The following CTNND2 variants were observed in gnomAD, a reference collection of about 807,000 sequenced individuals.
CTNND2 encodes the protein catenin delta-2.
CTNND2 carries 22 observed loss-of-function variants against 144.4 expected under a neutral mutation model. That is an observed-to-expected ratio of 0.15 (90% CI 0.11 to 0.22). The LOEUF is 0.22. Ranked by LOEUF, CTNND2 falls within the 10% of genes least tolerant of loss-of-function variation. CTNND2 has a pLI of 1.00. For synonymous variants in CTNND2, 751 were observed against 695.6 expected (o/e 1.08, Z -1.25); for missense variants, 1,353 against 1,618.8 (o/e 0.84, Z 2.82).
intron 9 of CTNND2, among the ~76,000 whole-genome samples, chr5:11,309,298 G>T (rs1350737742): frequency 6.6e-6 from 1 of 152,172 alleles, no homozygotes; most frequent in Non-Finnish European, 1.5e-5. Context: ...GCAGCTGAGG[G>T]GGCTGTACCC....
At chr5:11,665,639 TATA>T (rs1473257089) in intron 2 of CTNND2, among the ~76,000 whole-genome samples, 1 of 152,208 alleles carries the variant, frequency 6.6e-6, no homozygotes, top group East Asian at 1.9e-4. Context: ...GACAGATTTA[TATA>T]ATGTCTTATA....
chr5:11,771,918 T>G (rs1467285433), intron 1 of CTNND2, among the ~76,000 whole-genome samples: 1 of 152,194 alleles, frequency 6.6e-6, no homozygotes, highest in Non-Finnish European at 1.5e-5. Flanking sequence ...CTGTTGGATT[T>G]ATGAGCTCAG....
intron 12 of CTNND2, among the ~76,000 whole-genome samples, chr5:11,157,676 A>C (rs575346479): frequency 4.9e-4 from 75 of 152,376 alleles, no homozygotes; most frequent in Non-Finnish European, 8.4e-4. Flanking sequence ...TGAAGAATGT[A>C]AATACACTTG....
chr5:11,624,528 G>C (rs1037521505), intron 2 of CTNND2, among the ~76,000 whole-genome samples: 6 of 152,052 alleles, frequency 3.9e-5, no homozygotes, highest in Non-Finnish European at 8.8e-5. Context: ...TACTCTGTAG[G>C]TTGTATTTTA....
rs771383393 is a variant in CTNND2 at position 11,397,186 on chromosome 5, G to C, written c.457C>G (p.Gln153Glu). The C allele has an allele frequency of 6.2e-7, 1 of 1,614,088 alleles. No individual in the cohort carries two copies. The highest frequency in any genetic ancestry group is 2.2e-5 in the East Asian group (1 of 44,884). Reference protein sequence around the residue: ...STGERPSLLSQSALQLNSKPE... With the variant: ...STGERPSLLSESALQLNSKPE... Reference sequence around the variant, plus strand: ...TTGGAATTGAGCTGAAGTGCACTCTGGGAGAGCAGGCTGGGCCCTGCATTG... The same window carrying C: ...TTGGAATTGAGCTGAAGTGCACTCTCGGAGAGCAGGCTGGGCCCTGCATTG... The change falls in exon 6 of 22, where the codon CAG (glutamine) becomes GAG (glutamate). Residue 153 changes from glutamine (Q) to glutamate (E), a missense_variant. Around this residue, in one of 4 missense-constraint regions of CTNND2, gnomAD observed 708 missense variants for 706.4 expected, o/e 1.00. Coordinates refer to ENST00000304623, the MANE Select transcript of CTNND2 (RefSeq NM_001332.4).
At chr5:11,691,373 A>AAAAATAAAATAAAATAAAATAAAAT (rs376221473) in intron 2 of CTNND2, among the ~76,000 whole-genome samples, 21 of 146,322 alleles carry the variant, frequency 1.4e-4, no homozygotes, top group African/African-American at 4.9e-4. Flanking sequence ...CTCTGTCTCA[A>AAAAATAAAATAAAATAAAATAAAAT]AAAATAAAAT....
chr5:11,201,733 C>A (rs539870487), intron 10 of CTNND2, among the ~76,000 whole-genome samples: 21 of 152,204 alleles, frequency 1.4e-4, no homozygotes, highest in African/African-American at 5.1e-4. Flanking sequence ...TATGGTTGCC[C>A]AGCCTGAGGG....
At chr5:11,670,986 C>T (rs1783849537) in intron 2 of CTNND2, among the ~76,000 whole-genome samples, 1 of 152,154 alleles carries the variant, frequency 6.6e-6, no homozygotes, top group African/African-American at 2.4e-5. Context: ...GACAAAATCT[C>T]TCAGCATTTG....
intron 3 of CTNND2, among the ~76,000 whole-genome samples, chr5:11,526,820 C>T (rs1195846771): frequency 2.0e-5 from 3 of 151,980 alleles, no homozygotes; most frequent in Admixed American, 6.6e-5. Context: ...CACTGCAGCC[C>T]GAAGTGGAAG....
At chr5:11,901,142 T>G (rs933637878) in intron 1 of CTNND2, among the ~76,000 whole-genome samples, 2 of 152,196 alleles carry the variant, frequency 1.3e-5, no homozygotes, top group Non-Finnish European at 2.9e-5. Flanking sequence ...TTACAATAAA[T>G]TATTTCAAAT....
intron 1 of CTNND2, among the ~76,000 whole-genome samples, chr5:11,782,784 A>C (rs1298840371): frequency 2.0e-5 from 3 of 152,298 alleles, no homozygotes; most frequent in Admixed American, 2.0e-4. Context: ...TTCATTTCTC[A>C]TCTATATGTT....
At chr5:11,128,300 C>A (rs943358292) in intron 12 of CTNND2, among the ~76,000 whole-genome samples, 1 of 152,020 alleles carries the variant, frequency 6.6e-6, no homozygotes, top group Middle Eastern at 3.2e-3. Flanking sequence ...TGGCCACCAC[C>A]AAGCAAGTGG....
intron 9 of CTNND2, among the ~76,000 whole-genome samples, chr5:11,308,343 A>G (rs1750468648): frequency 6.6e-6 from 1 of 152,142 alleles, no homozygotes; most frequent in South Asian, 2.1e-4. Context: ...GATAGTAAAT[A>G]TTTTAGGCTT....
intron 6 of CTNND2, among the ~76,000 whole-genome samples, chr5:11,393,751 A>G (rs1409400429): frequency 1.3e-5 from 2 of 152,316 alleles, no homozygotes; most frequent in Admixed American, 6.5e-5. Context: ...GCAGCAGGGC[A>G]ATCTAATAGG....
chr5:11,587,770 G>A (rs1778970046), intron 2 of CTNND2, among the ~76,000 whole-genome samples: 1 of 151,960 alleles, frequency 6.6e-6, no homozygotes, highest in Admixed American at 6.6e-5. Context: ...AATCTCTCAG[G>A]CATTCCATTT....
intron 11 of CTNND2, among the ~76,000 whole-genome samples, chr5:11,187,096 G>C (rs1442475402): frequency 6.6e-6 from 1 of 152,160 alleles, no homozygotes; most frequent in African/African-American, 2.4e-5. Flanking sequence ...AGGAAATAAT[G>C]TGACATATTG....
intron 2 of CTNND2, among the ~76,000 whole-genome samples, chr5:11,709,425 T>G (rs1042111719): frequency 6.6e-6 from 1 of 152,234 alleles, no homozygotes; most frequent in African/African-American, 2.4e-5. Context: ...TACTGTGACA[T>G]GGGTGTGTTT....
At chr5:11,326,091 T>G (rs936816120) in intron 9 of CTNND2, among the ~76,000 whole-genome samples, 13 of 152,208 alleles carry the variant, frequency 8.5e-5, no homozygotes, top group African/African-American at 2.9e-4. Context: ...CTGCTGAATA[T>G]GTACACCAAG....
intron 8 of CTNND2, among the ~76,000 whole-genome samples, chr5:11,353,601 G>A (rs1580993201): frequency 1.3e-5 from 2 of 152,044 alleles, no homozygotes; most frequent in African/African-American, 2.4e-5. Flanking sequence ...TCAGGAGTTC[G>A]AGACCAGCCT....
Sources: gnomAD v4.1 joint callset for allele counts (sites outside exome capture counted in the v4.1 genomes callset) on GRCh38, gnomAD v4.1.1 for gene constraint, gnomAD v4.1.1 regional missense constraint, MANE v1.5 for transcripts, NCBI Gene and HGNC (gene_info 2026-07-23, HGNC 2026-07-21) for gene names.